ADK: variants seen among roughly 807,000 people sequenced by gnomAD.
ADK encodes adenosine kinase.
In ADK, 24 loss-of-function variants were observed where a neutral mutation model predicts 44.7. The observed-to-expected ratio is 0.54, with a 90% CI of 0.39 to 0.76. ADK has a LOEUF of 0.76. Among genes scored for constraint, ADK ranks in the 30% least tolerant of loss-of-function variants. ADK has a pLI of 0.00. For missense variants in ADK, 321 were observed against 425.1 expected (o/e 0.76, Z 2.15); for synonymous variants, 128 against 142.6 (o/e 0.90, Z 0.73).
At chr10:74,246,976 T>G (rs1845436878) in intron 3 of ADK, among the ~76,000 whole-genome samples, 2 of 151,932 alleles carry the variant, frequency 1.3e-5, no homozygotes, top group African/African-American at 4.8e-5. Flanking sequence ...ATATTTTAAC[T>G]TCTAATATGA....
chr10:74,635,962 C>T (rs936910050), intron 9 of ADK, among the ~76,000 whole-genome samples: 1 of 151,844 alleles, frequency 6.6e-6, no homozygotes, highest in Non-Finnish European at 1.5e-5. Flanking sequence ...GTGGCACATG[C>T]CTGTAGTCCT....
chr10:74,687,664 A>G (rs530275163), intron 10 of ADK, among the ~76,000 whole-genome samples: 10 of 152,326 alleles, frequency 6.6e-5, no homozygotes, highest in Admixed American at 5.9e-4. Context: ...CATACAATAC[A>G]TGGAACATCA....
chr10:74,239,251 T>G (rs1200905010), intron 3 of ADK, among the ~76,000 whole-genome samples: 3 of 152,154 alleles, frequency 2.0e-5, no homozygotes, highest in Non-Finnish European at 2.9e-5. Context: ...TATCAACACA[T>G]GTTATGGAGT....
intron 4 of ADK, among the ~76,000 whole-genome samples, chr10:74,328,147 G>C (rs1564656057): frequency 6.6e-6 from 1 of 152,160 alleles, no homozygotes; most frequent in Admixed American, 6.5e-5. Context: ...GACCTCAAGT[G>C]ATCTGCCTGC....
intron 4 of ADK, among the ~76,000 whole-genome samples, chr10:74,329,683 A>C (rs2131843986): frequency 6.6e-6 from 1 of 152,336 alleles, no homozygotes; most frequent in South Asian, 2.1e-4. Context: ...GTATTTTAAT[A>C]CATGTAGCAG....
At chr10:74,565,885 A>G (rs1850649785) in intron 7 of ADK, among the ~76,000 whole-genome samples, 1 of 152,208 alleles carries the variant, frequency 6.6e-6, no homozygotes, top group Admixed American at 6.5e-5. Context: ...AATTGGTTGT[A>G]TAATAAAGAC....
At chr10:74,246,659 T>C (rs1845426605) in intron 3 of ADK, among the ~76,000 whole-genome samples, 1 of 152,240 alleles carries the variant, frequency 6.6e-6, no homozygotes, top group South Asian at 2.1e-4. Context: ...TATTAGGCTG[T>C]TATCTGTCTC....
intron 6 of ADK, among the ~76,000 whole-genome samples, chr10:74,405,380 TTC>T (rs1491438403): frequency 8.6e-5 from 13 of 151,876 alleles, no homozygotes; most frequent in Admixed American, 5.9e-4. Context: ...TTTTTTTTTT[TTC>T]AAATGTGAAA....
intron 9 of ADK, among the ~76,000 whole-genome samples, chr10:74,608,037 T>C (rs766062734): frequency 6.6e-6 from 1 of 151,668 alleles, no homozygotes; most frequent in Non-Finnish European, 1.5e-5. Flanking sequence ...ATTATATTTG[T>C]GTATGCTTCA....
intron 9 of ADK, among the ~76,000 whole-genome samples, chr10:74,652,049 TC>T (rs200295065): frequency 0.022 from 3,312 of 147,698 alleles, 182 homozygotes; most frequent in African/African-American, 0.078. Context: ...TTTCTTTCTT[TC>T]TTTTTTTTTT....
At chr10:74,438,104 C>T (rs913276534) in intron 6 of ADK, among the ~76,000 whole-genome samples, 6 of 152,098 alleles carry the variant, frequency 3.9e-5, no homozygotes, top group African/African-American at 7.2e-5. Flanking sequence ...ATCCCTCCAA[C>T]CCCCAACCCC....
intron 4 of ADK, among the ~76,000 whole-genome samples, chr10:74,333,590 G>A (rs574460608): frequency 6.6e-6 from 1 of 152,170 alleles, no homozygotes; most frequent in African/African-American, 2.4e-5. Flanking sequence ...GAGTATGAAG[G>A]GATGCCTGCC....
At position 74,307,229 on chromosome 10, in the gene ADK, T is replaced by C. The variant is rs80239321; in HGVS notation, c.195-7438T>C. Among the ~76,000 whole-genome samples the C allele has an allele frequency of 1.6e-3, 240 of 152,338 alleles. 1 individual carries two copies. The highest frequency in any genetic ancestry group is 5.7e-3 in the African/African-American group (235 of 41,580). Reference sequence around the variant, plus strand: ...TCTGTCTTTGTAAGCACAGCTAGAGTCAGAGAACTTTCTGCTTTTGGAACT... The same window carrying C: ...TCTGTCTTTGTAAGCACAGCTAGAGCCAGAGAACTTTCTGCTTTTGGAACT... On this transcript the variant is annotated intron_variant, in intron 3 of 10. Coordinates refer to ENST00000539909, the MANE Select transcript of ADK (RefSeq NM_006721.4).
At chr10:74,679,238 C>G (rs865913847) in intron 10 of ADK, among the ~76,000 whole-genome samples, 1 of 152,188 alleles carries the variant, frequency 6.6e-6, no homozygotes, top group South Asian at 2.1e-4. Flanking sequence ...AAACACTGGT[C>G]TGTCGACTGG....
At chr10:74,335,162 G>A (rs1841363382) in intron 4 of ADK, among the ~76,000 whole-genome samples, 1 of 152,176 alleles carries the variant, frequency 6.6e-6, no homozygotes, top group Admixed American at 6.5e-5. Context: ...CATGCCACAG[G>A]GGAAAATGGA....
intron 3 of ADK, among the ~76,000 whole-genome samples, chr10:74,279,397 C>T (rs1322981212): frequency 6.6e-6 from 1 of 151,974 alleles, no homozygotes; most frequent in Non-Finnish European, 1.5e-5. Flanking sequence ...ACCAGTCTGG[C>T]CAATATAGTG....
rs537004814 is a variant in ADK, at chr10:74,499,272, A to C, written c.556-25984A>C. ...TTAATCTTTCATTGAGGAATACCAC[A>C]ATAAACAGACTGAGCTTGCTGTTGA... On this transcript the variant is annotated intron_variant, in intron 6 of 10. Transcript: ENST00000539909. Among the ~76,000 whole-genome samples, 26 of 152,340 alleles carry C rather than the reference A, an allele frequency of 1.7e-4. 1 individual carries two copies. In the South Asian group the frequency reaches 5.4e-3, roughly 32 times the overall value.
At chr10:74,510,937 G>A (rs1302260084) in intron 6 of ADK, among the ~76,000 whole-genome samples, 1 of 152,022 alleles carries the variant, frequency 6.6e-6, no homozygotes, top group African/African-American at 2.4e-5. Context: ...CAAACTCCTG[G>A]GCTCAAGAGA....
At chr10:74,400,158 A>G (rs1311490719) in intron 6 of ADK, among the ~76,000 whole-genome samples, 1 of 152,158 alleles carries the variant, frequency 6.6e-6, no homozygotes, top group Non-Finnish European at 1.5e-5. Context: ...TGAAATTAAT[A>G]AGGCAAATGA....
Sources: gnomAD v4.1 joint callset for allele counts (sites outside exome capture counted in the v4.1 genomes callset) on GRCh38, gnomAD v4.1.1 for gene constraint, MANE v1.5 for transcripts, NCBI Gene and HGNC (gene_info 2026-07-23, HGNC 2026-07-21) for gene names.